The following FNIP1 variants were observed in gnomAD, a reference collection of about 807,000 sequenced individuals.
FNIP1 encodes folliculin-interacting protein 1.
Under a neutral mutation model 124.5 loss-of-function variants are expected in FNIP1, and 40 were observed. The ratio of observed to expected loss-of-function variants is 0.32; its 90% CI spans 0.25 to 0.42. The LOEUF (loss-of-function observed/expected upper bound fraction) is 0.42, where lower values mean the gene tolerates loss of function less well. FNIP1 is among the 10% of genes least tolerant of loss of function. The pLI is 1.00. For synonymous variants in FNIP1, 472 were observed against 470.6 expected, an observed-to-expected ratio of 1.00 and a Z score of -0.04; for missense variants, 1,176 against 1,403.7, an observed-to-expected ratio of 0.84 and a Z score of 2.59.
chr5:131,678,204 C>A (rs1273387425), intron 12 of FNIP1, among the ~76,000 whole-genome samples: 1 of 152,190 alleles, frequency 6.6e-6, no homozygotes, highest in Admixed American at 6.5e-5. Context: ...ATTACTGAAT[C>A]AACCAGCAGG....
At chr5:131,701,276 C>A (rs187907753) in intron 10 of FNIP1, among the ~76,000 whole-genome samples, 86 of 152,258 alleles carry the variant, frequency 5.6e-4, no homozygotes, top group Non-Finnish European at 1.0e-3. Flanking sequence ...CCCTGGTTGC[C>A]AAAAAGGCTG....
chr5:131,791,761 T>C (rs1401929085), intron 1 of FNIP1, among the ~76,000 whole-genome samples: 1 of 152,136 alleles, frequency 6.6e-6, no homozygotes, highest in Non-Finnish European at 1.5e-5. Context: ...TAAAAAGACA[T>C]ATTGAGATGA....
intron 1 of FNIP1, among the ~76,000 whole-genome samples, chr5:131,795,084 T>C (rs957079413): frequency 6.6e-6 from 1 of 152,106 alleles, no homozygotes; most frequent in Non-Finnish European, 1.5e-5. Context: ...ACCAGAATGG[T>C]TTTTTTTCCT....
At chr5:131,743,269 CTGA>C (rs1770569560) in intron 2 of FNIP1, among the ~76,000 whole-genome samples, 1 of 151,858 alleles carries the variant, frequency 6.6e-6, no homozygotes, top group Admixed American at 6.6e-5. Flanking sequence ...TTTCTAGACA[CTGA>C]TGAGTTTCTA....
intron 13 of FNIP1, among the ~76,000 whole-genome samples, chr5:131,674,066 GAAATA>G (rs755181886): frequency 2.0e-5 from 3 of 151,794 alleles, no homozygotes; most frequent in Non-Finnish European, 2.9e-5. Flanking sequence ...AAAATAAAAA[GAAATA>G]AAATAAAAAA....
At chr5:131,678,863 C>A (rs1218767498) in intron 12 of FNIP1, among the ~76,000 whole-genome samples, 166 bp downstream of exon 12, 1 of 152,094 alleles carries the variant, frequency 6.6e-6, no homozygotes, top group Non-Finnish European at 1.5e-5. Flanking sequence ...TCATAAGGTT[C>A]TGTAATACTC....
chr5:131,680,556 C>T (rs780908489), intron 11 of FNIP1, among the ~76,000 whole-genome samples: 59 of 152,176 alleles, frequency 3.9e-4, no homozygotes, highest in Non-Finnish European at 5.0e-4. Flanking sequence ...ATCCTCTCTT[C>T]AGTTTCTGAG....
chr5:131,665,898 ACTTTTTTTTTTT>A (rs1767589240), intron 15 of FNIP1, among the ~76,000 whole-genome samples: 1 of 114,766 alleles, frequency 8.7e-6, no homozygotes, highest in Non-Finnish European at 1.9e-5. Context: ...CTAAAATAAT[ACTTTTTTTTTTT>A]TTTTTTTTTG....
intron 6 of FNIP1, among the ~76,000 whole-genome samples, chr5:131,712,898 G>A (rs1040341412): frequency 6.6e-6 from 1 of 152,104 alleles, no homozygotes. Flanking sequence ...GCTCATCTAG[G>A]CCACCAAAAG....
chr5:131,651,374 TG>T lies in FNIP1; in HGVS notation c.3306+427del, dbSNP rs566871411. Among the ~76,000 whole-genome samples the T allele has an allele frequency of 2.5e-4, 38 of 152,326 alleles. No individual in the cohort carries two copies. The South Asian group carries it at 7.5e-3, about 30-fold the overall frequency. On this transcript the variant is annotated intron_variant, in intron 16 of 17. Coordinates refer to ENST00000510461, the MANE Select transcript of FNIP1 (RefSeq NM_133372.3). ...CACCACTGTGCTCCAACCCAGGTGA[TG>T]GGATTAAGACACTGTCTCAAACAAA...
rs1049094131 is a variant in FNIP1, at chr5:131,706,405, A to G, written c.914+6T>C. The G allele has an allele frequency of 1.9e-6, 3 of 1,606,348 alleles. No individual in the cohort carries two copies. The African/African-American group carries it at 4.0e-5, about 21-fold the overall frequency. On this transcript the variant is annotated splice_donor_region_variant and intron_variant, in intron 9 of 17. Transcript: ENST00000510461. ...ATCTTGTTCTGTGTTTAAAGTTCCA[A>G]CTTACCATCTAGGAAATACCCCATT...
chr5:131,719,088 C>T (rs777668879), intron 4 of FNIP1, 28 bp from the exon 5 acceptor site: 4 of 1,593,320 alleles, frequency 2.5e-6, no homozygotes, highest in South Asian at 2.2e-5. Context: ...AAGAGAGAGA[C>T]CAAAACTAAA....
chr5:131,681,938 GATAA>G (rs1379002471), intron 11 of FNIP1, among the ~76,000 whole-genome samples: 2 of 152,020 alleles, frequency 1.3e-5, no homozygotes, highest in African/African-American at 4.8e-5. Context: ...ATCTAAAACT[GATAA>G]ATGAGGAAAT....
chr5:131,772,830 G>A (rs1341076580), intron 1 of FNIP1, among the ~76,000 whole-genome samples: 2 of 152,098 alleles, frequency 1.3e-5, no homozygotes, highest in Non-Finnish European at 2.9e-5. Flanking sequence ...ACTGGCCTCT[G>A]CTTCTAATTT....
In FNIP1 at chr5:131,649,952, G is replaced by A. The variant is rs187476353; in HGVS notation, c.3306+1850C>T. 3.2e-3 allele frequency among the ~76,000 whole-genome samples: 487 copies of A among 152,254 alleles called. 3 individuals carry two copies. The highest frequency in any genetic ancestry group is 0.011 in the African/African-American group (463 of 41,554). Reference sequence around the variant, plus strand: ...CTTATATGTGAGGGTTAACTTTTAGGATCTCCATTCTATTCCATTGGTCTA... The same window carrying A: ...CTTATATGTGAGGGTTAACTTTTAGAATCTCCATTCTATTCCATTGGTCTA... On this transcript the variant is annotated intron_variant, in intron 16 of 17. Transcript: ENST00000510461.
chr5:131,770,259 G>A lies in FNIP1; in HGVS notation c.93-25569C>T, dbSNP rs139464343. ...AACTGGCTCACTAATCTGAACTCTTGTGTTGAGTTCAAGTAGACAAGTCTA... is the reference window on the plus strand; with the variant it reads ...AACTGGCTCACTAATCTGAACTCTTATGTTGAGTTCAAGTAGACAAGTCTA... On this transcript the variant is annotated intron_variant, in intron 1 of 17. Transcript: ENST00000510461. Among the ~76,000 whole-genome samples the A allele has an allele frequency of 5.3e-3, 801 of 152,304 alleles. 12 individuals are homozygous for A. Among genetic ancestry groups the A allele is most frequent in the African/African-American group, 0.019 (780 of 41,564 alleles).
At chr5:131,739,835 A>AC (rs1407640324) in intron 2 of FNIP1, among the ~76,000 whole-genome samples, 7 of 149,282 alleles carry the variant, frequency 4.7e-5, no homozygotes, top group Admixed American at 2.1e-4. Flanking sequence ...AAAAAAAAAA[A>AC]AACACTGTTT....
chr5:131,760,107 T>C (rs1294707821), intron 1 of FNIP1, among the ~76,000 whole-genome samples: 2 of 152,090 alleles, frequency 1.3e-5, no homozygotes, highest in Non-Finnish European at 2.9e-5. Context: ...GGAAAAAGCA[T>C]GGGTGGAAAA....
At chr5:131,726,716 G>C (rs1264141710) in intron 3 of FNIP1, among the ~76,000 whole-genome samples, 13 of 152,196 alleles carry the variant, frequency 8.5e-5, no homozygotes, top group African/African-American at 2.2e-4. Flanking sequence ...TTTTGAATTT[G>C]TTTGCTTTTG....
Sources: gnomAD v4.1 joint callset for allele counts (sites outside exome capture counted in the v4.1 genomes callset) on GRCh38, gnomAD v4.1.1 for gene constraint, MANE v1.5 for transcripts, NCBI Gene and HGNC (gene_info 2026-07-23, HGNC 2026-07-21) for gene names.